The following WWOX variants were observed in gnomAD, a reference collection of about 807,000 sequenced individuals.
WWOX encodes the protein WW domain containing oxidoreductase.
WWOX carries 69 observed loss-of-function variants against 46.2 expected under a neutral mutation model. That is an observed-to-expected ratio of 1.49 (90% confidence interval 1.23 to 1.82). The LOEUF (loss-of-function observed/expected upper bound fraction) is 1.82, where lower values mean the gene tolerates loss of function less well. Ranked by LOEUF, WWOX falls within the 40% of genes most tolerant of loss-of-function variation. The pLI, the probability that WWOX is intolerant of heterozygous loss-of-function variation, is 0.00. For missense variants in WWOX, 919 were observed against 542.6 expected (o/e 1.69, Z -6.89); for synonymous variants, 359 against 202.6 (o/e 1.77, Z -6.56).
intron 6 of WWOX, among the ~76,000 whole-genome samples, chr16:78,423,421 T>C (rs537393542): frequency 6.6e-6 from 1 of 152,372 alleles, no homozygotes; most frequent in African/African-American, 2.4e-5. Context: ...TTTGCTGCTT[T>C]AGTTTGTCAC....
chr16:78,962,337 AAAAAG>A (rs1423524397), intron 8 of WWOX, among the ~76,000 whole-genome samples: 35 of 141,240 alleles, frequency 2.5e-4, no homozygotes, highest in African/African-American at 7.8e-4. Context: ...AAAAAAAAAA[AAAAAG>A]AAGGAATGTG....
chr16:79,002,923 C>G (rs772392532), intron 8 of WWOX, among the ~76,000 whole-genome samples: 5 of 152,154 alleles, frequency 3.3e-5, no homozygotes, highest in Non-Finnish European at 7.3e-5. Flanking sequence ...TGCAGAAATG[C>G]ATTAGAGCTC....
chr16:78,430,729 TTGATGAC>T (rs1422984450), intron 7 of WWOX, among the ~76,000 whole-genome samples: 1 of 152,196 alleles, frequency 6.6e-6, no homozygotes, highest in Non-Finnish European at 1.5e-5. Context: ...TTCTGTATCC[TTGATGAC>T]GTTTCTGGCC....
intron 8 of WWOX, among the ~76,000 whole-genome samples, chr16:78,994,155 C>T (rs1436861294): frequency 6.6e-6 from 1 of 152,298 alleles, no homozygotes; most frequent in South Asian, 2.1e-4. Context: ...AATCAAAACC[C>T]CCTTCAGACA....
At chr16:78,726,125 C>T (rs1417729090) in intron 8 of WWOX, among the ~76,000 whole-genome samples, 1 of 143,036 alleles carries the variant, frequency 7.0e-6, no homozygotes, top group African/African-American at 2.6e-5. Flanking sequence ...GCCTCCCTCT[C>T]TCCCTCTCTC....
intron 8 of WWOX, among the ~76,000 whole-genome samples, chr16:79,133,686 A>T (rs943028676): frequency 2.0e-4 from 30 of 152,160 alleles, no homozygotes; most frequent in African/African-American, 7.0e-4. Flanking sequence ...GGGGAGTTGT[A>T]TATTGTATCA....
At chr16:78,737,074 G>C (rs1377339837) in intron 8 of WWOX, among the ~76,000 whole-genome samples, 1 of 151,760 alleles carries the variant, frequency 6.6e-6, no homozygotes, top group Non-Finnish European at 1.5e-5. Context: ...GTCGTTCCTT[G>C]CTCATCTGTC....
chr16:78,805,050 C>G (rs1312553399), intron 8 of WWOX, among the ~76,000 whole-genome samples: 1 of 152,168 alleles, frequency 6.6e-6, no homozygotes, highest in Non-Finnish European at 1.5e-5. Flanking sequence ...TATTTGCAAC[C>G]CATCTTAAAA....
At chr16:78,735,010 G>T (rs900379599) in intron 8 of WWOX, among the ~76,000 whole-genome samples, 3 of 151,214 alleles carry the variant, frequency 2.0e-5, no homozygotes, top group African/African-American at 2.4e-5. Flanking sequence ...GGGATTACAG[G>T]CACCCACCAT....
intron 8 of WWOX, chr16:79,017,104 C>G (rs966439784): frequency 3.3e-5 from 5 of 152,140 alleles, no homozygotes; most frequent in African/African-American, 9.7e-5. Context: ...AGCTAGTTAT[C>G]TATCCATCCA....
Position 78,666,606 on chromosome 16 carries a change from T to C in WWOX, c.1056+233854T>C, listed in dbSNP as rs1567475510. Among the ~76,000 whole-genome samples, 4 of 152,294 alleles carry C rather than the reference T, an allele frequency of 2.6e-5. No individual in the cohort carries two copies. In the South Asian group the frequency reaches 6.2e-4, roughly 24 times the overall value. Reference sequence around the variant, plus strand: ...AGATTCCTTCAGTCGCATGTGGGCCTGGAGTCACTGGAAAATGCAGACAAA... The same window carrying C: ...AGATTCCTTCAGTCGCATGTGGGCCCGGAGTCACTGGAAAATGCAGACAAA... On this transcript the variant is annotated intron_variant, in intron 8 of 8. Transcript: ENST00000566780.
At chr16:78,500,648 C>G (rs1467909965) in intron 8 of WWOX, among the ~76,000 whole-genome samples, 1 of 152,158 alleles carries the variant, frequency 6.6e-6, no homozygotes, top group Non-Finnish European at 1.5e-5. Flanking sequence ...GGGGGCTTAG[C>G]TTGGGTATCA....
intron 6 of WWOX, among the ~76,000 whole-genome samples, chr16:78,423,351 A>T (rs1047580634): frequency 6.6e-6 from 1 of 152,136 alleles, no homozygotes; most frequent in Admixed American, 6.5e-5. Context: ...ATAGTATTCT[A>T]TCATATGGAT....
chr16:78,336,723 G>A (rs1044766935), intron 5 of WWOX, among the ~76,000 whole-genome samples: 2 of 152,050 alleles, frequency 1.3e-5, no homozygotes, highest in Non-Finnish European at 2.9e-5. Context: ...AAAAATTAGA[G>A]GCTAAAAGTT....
intron 8 of WWOX, among the ~76,000 whole-genome samples, chr16:78,474,672 A>G (rs72799951): frequency 0.046 from 6,943 of 152,162 alleles, 338 homozygotes; most frequent in East Asian, 0.24. Context: ...AACCATTGCC[A>G]CAGTCAGTTT....
intron 8 of WWOX, among the ~76,000 whole-genome samples, chr16:78,903,274 G>C (rs1487586020): frequency 6.6e-6 from 1 of 152,232 alleles, no homozygotes; most frequent in Non-Finnish European, 1.5e-5. Context: ...AGAGGCTGAA[G>C]TGAAGTTACA....
In WWOX at chr16:78,486,720, C is replaced by T. The variant is rs144651166; in HGVS notation, c.1056+53968C>T. Among the ~76,000 whole-genome samples, 86 of 152,282 alleles carry T rather than the reference C, an allele frequency of 5.6e-4. 1 individual carries two copies. Among genetic ancestry groups the T allele is most frequent in the African/African-American group, 1.9e-3 (80 of 41,558 alleles). On this transcript the variant is annotated intron_variant, in intron 8 of 8. Transcript: ENST00000566780. ...TCCCGCGTAGCTGGGATTACAGGTG[C>T]ATGCCACCATGCCCAGCTGATTTTT...
chr16:78,504,444 T>A (rs1282540912), intron 8 of WWOX, among the ~76,000 whole-genome samples: 3 of 152,202 alleles, frequency 2.0e-5, no homozygotes, highest in Non-Finnish European at 4.4e-5. Context: ...TATCTCAGAT[T>A]TTCAAGAATC....
chr16:78,647,997 T>G (rs2046882784), intron 8 of WWOX, among the ~76,000 whole-genome samples: 1 of 152,256 alleles, frequency 6.6e-6, no homozygotes, highest in Non-Finnish European at 1.5e-5. Flanking sequence ...GCTTAGTATT[T>G]TCCATTATTC....
Sources: allele counts gnomAD v4.1 joint callset (sites outside exome capture counted in the v4.1 genomes callset), GRCh38; gene constraint gnomAD v4.1.1; transcripts MANE v1.5; gene names NCBI Gene and HGNC (gene_info 2026-07-23, HGNC 2026-07-21).